MACROD2: variants seen among roughly 807,000 people sequenced by gnomAD.
The protein encoded by MACROD2 is ADP-ribose glycohydrolase MACROD2.
MACROD2 carries 36 observed loss-of-function variants against 70.4 expected under a neutral mutation model. The observed-to-expected ratio is 0.51, with a 90% confidence interval of 0.39 to 0.68. The LOEUF (loss-of-function observed/expected upper bound fraction) is 0.68. Among genes scored for constraint, MACROD2 ranks in the 30% least tolerant of loss-of-function variants. MACROD2 has a pLI of 0.00. For synonymous variants in MACROD2, 172 were observed against 178.8 expected, an observed-to-expected ratio of 0.96 and a Z score of 0.30; for missense variants, 496 against 538.4, an observed-to-expected ratio of 0.92 and a Z score of 0.78.
intron 5 of MACROD2, among the ~76,000 whole-genome samples, chr20:14,815,899 C>A (rs1286402670): frequency 6.6e-6 from 1 of 151,932 alleles, no homozygotes; most frequent in East Asian, 1.9e-4. Context: ...TAAAGTTGGT[C>A]ATTGTTTCTA....
intron 5 of MACROD2, among the ~76,000 whole-genome samples, chr20:14,831,780 CAAAAAAA>C (rs71190151): frequency 0.015 from 539 of 37,130 alleles, 5 homozygotes; most frequent in Middle Eastern, 0.05. Context: ...AACTCCGTCT[CAAAAAAA>C]AAAAAAAAAA....
At chr20:14,103,892 G>A (rs965136410) in intron 3 of MACROD2, among the ~76,000 whole-genome samples, 24 of 152,052 alleles carry the variant, frequency 1.6e-4, no homozygotes, top group Admixed American at 1.4e-3. Flanking sequence ...AAACATCCTA[G>A]CACATAAATG....
chr20:14,862,796 C>G (rs575663322), intron 5 of MACROD2, among the ~76,000 whole-genome samples: 49 of 141,988 alleles, frequency 3.5e-4, no homozygotes, highest in African/African-American at 1.3e-3. Flanking sequence ...AACAGGAAAC[C>G]CAGTCCTTCC....
intron 5 of MACROD2, among the ~76,000 whole-genome samples, chr20:14,727,643 G>A (rs1251629226): frequency 3.3e-5 from 5 of 152,228 alleles, no homozygotes; most frequent in Admixed American, 6.5e-5. Context: ...TTACCTGCCT[G>A]CTATACCAAG....
intron 8 of MACROD2, among the ~76,000 whole-genome samples, chr20:15,599,465 GA>G (rs2048789903): frequency 6.6e-6 from 1 of 151,718 alleles, no homozygotes; most frequent in East Asian, 1.9e-4. Flanking sequence ...CCCTTTACAC[GA>G]AACAGTGGTC....
chr20:15,393,018 A>G (rs1056977229), intron 6 of MACROD2, among the ~76,000 whole-genome samples: 41 of 152,178 alleles, frequency 2.7e-4, no homozygotes, highest in Admixed American at 2.0e-3. Context: ...CAACAGTGCC[A>G]GGTGAGCAAC....
intron 6 of MACROD2, among the ~76,000 whole-genome samples, chr20:15,326,529 T>A (rs547988552): frequency 6.6e-6 from 1 of 152,236 alleles, no homozygotes; most frequent in East Asian, 1.9e-4. Context: ...CCCCATATAT[T>A]CTTAAAGATA....
At chr20:14,790,247 G>C (rs965783471) in intron 5 of MACROD2, among the ~76,000 whole-genome samples, 1 of 150,612 alleles carries the variant, frequency 6.6e-6, no homozygotes, top group African/African-American at 2.5e-5. Context: ...ATAAATATCA[G>C]GTGATAATTT....
At chr20:14,070,087 G>A (rs1203075291) in intron 2 of MACROD2, among the ~76,000 whole-genome samples, 1 of 151,990 alleles carries the variant, frequency 6.6e-6, no homozygotes, top group Admixed American at 6.6e-5. Flanking sequence ...ACAAGCTAAT[G>A]AGCAATATAA....
chr20:15,138,446 T>A (rs2076167182), intron 5 of MACROD2, among the ~76,000 whole-genome samples: 1 of 152,162 alleles, frequency 6.6e-6, no homozygotes, highest in Non-Finnish European at 1.5e-5. Context: ...TTTTTAGGTC[T>A]CCAGTGTAAA....
intron 4 of MACROD2, among the ~76,000 whole-genome samples, chr20:14,576,919 A>G (rs1273249202): frequency 1.3e-5 from 2 of 152,236 alleles, no homozygotes; most frequent in African/African-American, 4.8e-5. Flanking sequence ...TTTGTTACTC[A>G]AACTTTATAA....
intron 3 of MACROD2, among the ~76,000 whole-genome samples, chr20:14,385,091 A>G (rs189148495): frequency 4.6e-5 from 7 of 152,222 alleles, no homozygotes; most frequent in Middle Eastern, 3.4e-3. Context: ...ACAAGTTACA[A>G]TGAAAACTTT....
intron 7 of MACROD2, among the ~76,000 whole-genome samples, chr20:15,439,908 T>C (rs1270134173): frequency 6.6e-6 from 1 of 152,168 alleles, no homozygotes; most frequent in Non-Finnish European, 1.5e-5. Context: ...CCTAGATTCC[T>C]GTTAAAATTT....
chr20:14,614,892 T>C (rs893919945), intron 4 of MACROD2, among the ~76,000 whole-genome samples: 1 of 152,042 alleles, frequency 6.6e-6, no homozygotes, highest in Non-Finnish European at 1.5e-5. Flanking sequence ...AAACTAACCA[T>C]GTATAAGTGC....
intron 8 of MACROD2, among the ~76,000 whole-genome samples, chr20:15,671,024 AT>A (rs1201440819): frequency 1.3e-5 from 2 of 152,220 alleles, no homozygotes; most frequent in African/African-American, 4.8e-5. Flanking sequence ...AACAGTAACA[AT>A]TTAATGTAGC....
Position 14,890,780 on chromosome 20 carries a change from T to TAA in MACROD2, c.418+205830_418+205831dup, listed in dbSNP as rs71190163. On this transcript the variant is annotated intron_variant, in intron 5 of 17. Coordinates refer to ENST00000684519, the MANE Select transcript of MACROD2 (RefSeq NM_001351661.2). ...ACAGAAAAAAAAAAATAATAAAAAT[T>TAA]AAAAAAAAAAGAAAGAAGGAAAGAA... Among the ~76,000 whole-genome samples the TAA allele has an allele frequency of 7.7e-4, 111 of 143,450 alleles. 1 individual carries two copies. The highest frequency in any genetic ancestry group is 2.0e-3 in the African/African-American group (79 of 38,732). 94.1% of individuals were successfully genotyped at this position (143,450 alleles called of 152,430 possible).
At chr20:15,048,271 A>G (rs1306984950) in intron 5 of MACROD2, among the ~76,000 whole-genome samples, 1 of 152,008 alleles carries the variant, frequency 6.6e-6, no homozygotes, top group Non-Finnish European at 1.5e-5. Flanking sequence ...ACAGAGCAAG[A>G]CTCCATCTCA....
At chr20:14,277,237 C>G (rs1002622790) in intron 3 of MACROD2, among the ~76,000 whole-genome samples, 2 of 152,210 alleles carry the variant, frequency 1.3e-5, no homozygotes, top group East Asian at 1.9e-4. Flanking sequence ...ATCGTGAGTT[C>G]AGGAGAGTAA....
intron 5 of MACROD2, among the ~76,000 whole-genome samples, chr20:15,034,459 G>A (rs2075297998): frequency 6.6e-6 from 1 of 152,008 alleles, no homozygotes; most frequent in South Asian, 2.1e-4. Flanking sequence ...CTTTCCCCCA[G>A]CCCCCTCAGT....
Sources: gnomAD v4.1 joint callset for allele counts (sites outside exome capture counted in the v4.1 genomes callset) on GRCh38, gnomAD v4.1.1 for gene constraint, MANE v1.5 for transcripts, NCBI Gene and HGNC (gene_info 2026-07-23, HGNC 2026-07-21) for gene names.